The following PXDNL variants were observed in gnomAD, a reference collection of about 807,000 sequenced individuals.
The protein encoded by PXDNL is probable oxidoreductase PXDNL.
In PXDNL, 145 loss-of-function variants were observed where a neutral mutation model predicts 150.8. That is an observed-to-expected ratio of 0.96 (90% CI 0.84 to 1.10). The LOEUF (loss-of-function observed/expected upper bound fraction) is 1.10. Among genes scored for constraint, PXDNL ranks in the 50% least tolerant of loss-of-function variants. The pLI is 0.00. For synonymous variants in PXDNL, 757 were observed against 725.7 expected, an observed-to-expected ratio of 1.04 and a Z score of -0.69; for missense variants, 2,087 against 1,873.9, an observed-to-expected ratio of 1.11 and a Z score of -2.10.
At chr8:51,562,861 G>A (rs935478793) in intron 3 of PXDNL, among the ~76,000 whole-genome samples, 3 of 151,918 alleles carry the variant, frequency 2.0e-5, no homozygotes, top group Admixed American at 6.6e-5. Context: ...TCTTCAATGG[G>A]GTGGGGAAGA....
In PXDNL at chr8:51,793,573, A is replaced by G. The variant is rs1054744757; in HGVS notation, c.164+15608T>C. Among the ~76,000 whole-genome samples the G allele has an allele frequency of 2.0e-5, 3 of 152,302 alleles. No individual in the cohort carries two copies. The South Asian group carries it at 6.2e-4, about 32-fold the overall frequency. On this transcript the variant is annotated intron_variant, in intron 1 of 22. Coordinates refer to ENST00000356297, the MANE Select transcript of PXDNL (RefSeq NM_144651.5). ...AAAGGAACATGTTCTAACCCAATGT[A>G]GAGCAGCTAAGAACCATGATAAAAC... is the stretch of plus-strand genomic sequence containing the variant.
chr8:51,756,443 C>T (rs993547477), intron 1 of PXDNL, among the ~76,000 whole-genome samples: 2 of 150,578 alleles, frequency 1.3e-5, no homozygotes, highest in South Asian at 4.2e-4. Flanking sequence ...AAAAGAAATG[C>T]CTGAACCCAC....
intron 10 of PXDNL, among the ~76,000 whole-genome samples, chr8:51,450,592 C>A (rs1331267578): frequency 1.3e-5 from 2 of 152,186 alleles, no homozygotes; most frequent in African/African-American, 4.8e-5. Context: ...AAGTTTCATA[C>A]TGTGTGCAAG....
chr8:51,372,035 G>A lies in PXDNL; in HGVS notation c.3739C>T (p.Gln1247Ter), dbSNP rs1246824296. 1.9e-6 allele frequency: 3 copies of A among 1,609,812 alleles called. No homozygotes were observed. Among genetic ancestry groups the A allele is most frequent in the South Asian group, 1.1e-5 (1 of 90,278 alleles). The change falls in exon 19 of 23, where the codon CAG (glutamine) becomes TAG (stop). Residue 1247 changes from glutamine to a stop codon, truncating the protein, a stop_gained. Transcript: ENST00000356297. LOFTEE classifies it high-confidence loss of function. ...PGVFTPAQLT[Q>*]LKQASLSRVL... is the part of the protein sequence containing the mutation. ...CGGCTCAGGGACGCCTGCTTCAGCT[G>A]AGTGAGTTGTGCCGGGGTAAATACT...
At chr8:51,544,395 T>A (rs1812305389) in intron 4 of PXDNL, among the ~76,000 whole-genome samples, 1 of 152,208 alleles carries the variant, frequency 6.6e-6, no homozygotes, top group Non-Finnish European at 1.5e-5. Flanking sequence ...TACTCCTCCC[T>A]ATGCTATCTT....
rs11412665 is a variant in PXDNL at position 51,356,497 on chromosome 8, T to TAA, written c.3902-10552_3902-10551dup. Among the ~76,000 whole-genome samples, 269 of 134,668 alleles carry TAA rather than the reference T, an allele frequency of 2.0e-3. 4 individuals carry two copies. The highest frequency in any genetic ancestry group is 4.3e-3 in the African/African-American group (153 of 35,704). The allele number at this position is 134,668 out of a possible 152,430, so 88.3% of individuals were successfully genotyped here. On this transcript the variant is annotated intron_variant, in intron 19 of 22. Transcript: ENST00000356297. The stretch of plus-strand genomic sequence containing the variant: ...GTGAAACTCCATCTCAAAAAAAGAA[T>TAA]AAAAAAAAAAAAAAGAAAATCCGTA...
chr8:51,334,010 A>T (rs1322635436), intron 21 of PXDNL, among the ~76,000 whole-genome samples: 2 of 152,192 alleles, frequency 1.3e-5, no homozygotes. Flanking sequence ...ACAACCATAG[A>T]ATACACATTC....
At chr8:51,577,625 G>T (rs1205452933) in intron 3 of PXDNL, among the ~76,000 whole-genome samples, 3 of 146,254 alleles carry the variant, frequency 2.1e-5, no homozygotes, top group Non-Finnish European at 4.5e-5. Flanking sequence ...GGCTAAAAAA[G>T]AAGTTATATA....
chr8:51,455,604 A>G (rs2129986340), intron 9 of PXDNL, among the ~76,000 whole-genome samples: 1 of 152,298 alleles, frequency 6.6e-6, no homozygotes, highest in South Asian at 2.1e-4. Flanking sequence ...TTAGGCAGGC[A>G]AAAGAGATTT....
intron 19 of PXDNL, among the ~76,000 whole-genome samples, chr8:51,361,915 G>A (rs1488868407): frequency 7.8e-6 from 1 of 127,828 alleles, no homozygotes; most frequent in Non-Finnish European, 1.6e-5. Context: ...ACCAGCCTGG[G>A]CAACAGAGTG....
intron 8 of PXDNL, among the ~76,000 whole-genome samples, chr8:51,464,548 T>C (rs118164875): frequency 0.012 from 1,771 of 151,990 alleles, 20 homozygotes; most frequent in South Asian, 0.053. Context: ...CTACAACAAT[T>C]CCCACAGAAA....
In PXDNL at chr8:51,778,237, C is replaced by T. The variant is rs556189184; in HGVS notation, c.164+30944G>A. Among the ~76,000 whole-genome samples, 308 of 151,186 alleles carry T rather than the reference C, an allele frequency of 2.0e-3. 2 individuals carry two copies. Among genetic ancestry groups the T allele is most frequent in the African/African-American group, 7.0e-3 (289 of 41,124 alleles). ...GAGCTTGCAGTGAGCCGAGATCGCG[C>T]CACTTGCACCCCAGCCTGGGTGACA... On this transcript the variant is annotated intron_variant, in intron 1 of 22. Transcript: ENST00000356297.
intron 1 of PXDNL, among the ~76,000 whole-genome samples, chr8:51,665,863 T>C (rs1815374640): frequency 7.2e-5 from 11 of 152,210 alleles, no homozygotes; most frequent in Admixed American, 7.2e-4. Flanking sequence ...ATTTCATTCC[T>C]GTGATGATGT....
intron 17 of PXDNL, among the ~76,000 whole-genome samples, chr8:51,378,585 A>T (rs111376325): frequency 6.6e-6 from 1 of 152,240 alleles, no homozygotes; most frequent in Admixed American, 6.5e-5. Context: ...TCTGTGGAAG[A>T]TTTGTTCTTT....
intron 4 of PXDNL, among the ~76,000 whole-genome samples, chr8:51,544,987 T>C (rs1358284069): frequency 1.3e-5 from 2 of 152,198 alleles, no homozygotes; most frequent in Non-Finnish European, 2.9e-5. Context: ...ATTTCAGAGT[T>C]TATGATTAAA....
At chr8:51,635,538 T>G (rs1391442171) in intron 2 of PXDNL, among the ~76,000 whole-genome samples, 1 of 151,902 alleles carries the variant, frequency 6.6e-6, no homozygotes, top group Non-Finnish European at 1.5e-5. Flanking sequence ...ACTGACTTTA[T>G]TAAAAGAGAT....
intron 3 of PXDNL, among the ~76,000 whole-genome samples, chr8:51,574,092 T>A (rs1332542003): frequency 6.6e-6 from 1 of 151,844 alleles, no homozygotes; most frequent in African/African-American, 2.4e-5. Context: ...AACAGCAAGA[T>A]GACAGAGACG....
chr8:51,652,059 G>C (rs771394455), intron 2 of PXDNL, among the ~76,000 whole-genome samples: 8 of 152,056 alleles, frequency 5.3e-5, no homozygotes, highest in African/African-American at 9.7e-5. Context: ...GAAGCAATGT[G>C]GTTGGCATTT....
intron 1 of PXDNL, among the ~76,000 whole-genome samples, chr8:51,754,304 G>A (rs996830678): frequency 6.6e-6 from 1 of 152,208 alleles, no homozygotes; most frequent in Admixed American, 6.5e-5. Context: ...TGAGCACTGG[G>A]AAGTGTGGTT....
Sources: gnomAD v4.1 joint callset for allele counts (sites outside exome capture counted in the v4.1 genomes callset) on GRCh38, gnomAD v4.1.1 for gene constraint, MANE v1.5 for transcripts, NCBI Gene and HGNC (gene_info 2026-07-23, HGNC 2026-07-21) for gene names.